KAT5: variants seen among roughly 807,000 people sequenced by gnomAD.
KAT5 encodes the protein histone acetyltransferase KAT5.
In KAT5, 31 loss-of-function variants were observed where a neutral mutation model predicts 68.1. The ratio of observed to expected loss-of-function variants is 0.46; its 90% CI spans 0.34 to 0.61. KAT5 has a LOEUF of 0.61. Among genes scored for constraint, KAT5 ranks in the 20% least tolerant of loss-of-function variants. KAT5 has a pLI of 0.01. For missense variants in KAT5, 451 were observed against 725.5 expected (o/e 0.62, Z 4.35); for synonymous variants, 365 against 292.6 (o/e 1.25, Z -2.52).
In KAT5 at chr11:65,714,746, A is replaced by G; in HGVS notation, c.939+3A>G. The G allele has an allele frequency of 6.2e-7, 1 of 1,614,124 alleles. No individual in the cohort carries two copies. Among genetic ancestry groups the G allele is most frequent in the Non-Finnish European group, 8.5e-7 (1 of 1,180,020 alleles). Reference sequence around the variant, plus strand: ...TCAAGTGTCTTCAGCGTCATTTGGTATGAGGGGTCCAGGGAGGCTGCCTTC... The same window carrying G: ...TCAAGTGTCTTCAGCGTCATTTGGTGTGAGGGGTCCAGGGAGGCTGCCTTC... On this transcript the variant is annotated splice_donor_region_variant and intron_variant, in intron 7 of 12. Coordinates refer to ENST00000341318, the MANE Select transcript of KAT5 (RefSeq NM_182710.3).
intron 6 of KAT5, 37 bp from the exon 7 acceptor site, chr11:65,714,458 C>A: frequency 6.2e-7 from 1 of 1,604,436 alleles, no homozygotes; most frequent in South Asian, 1.1e-5. Flanking sequence ...GCTGAGCTGT[C>A]TCTTACAACC....
intron 8 of KAT5, chr11:65,716,455 T>C (rs1857198916): frequency 6.9e-6 from 4 of 582,120 alleles, no homozygotes; most frequent in Admixed American, 3.0e-5. Flanking sequence ...TCAGACACCA[T>C]CACACATCTG....
At chr11:65,718,978 A>C in intron 12 of KAT5, 24 bp downstream of exon 12, 4 of 1,614,096 alleles carry the variant, frequency 2.5e-6, no homozygotes, top group Non-Finnish European at 3.4e-6. Flanking sequence ...CAGGGGAGAC[A>C]GGTGTGTGGG....
At chr11:65,716,845 G>A (rs1239594550) in intron 9 of KAT5, 38 bp downstream of exon 9, 9 of 1,613,860 alleles carry the variant, frequency 5.6e-6, no homozygotes, top group Non-Finnish European at 7.6e-6. Flanking sequence ...GCCCTGTCCT[G>A]AGCCAGATCC....
chr11:65,712,080 G>T, upstream of KAT5: 5 of 508,284 alleles, frequency 9.8e-6, no homozygotes, highest in Non-Finnish European at 1.7e-5. Flanking sequence ...CCTAGGGCTC[G>T]GCCTGAGGCT....
Position 65,712,979 on chromosome 11 carries a change from A to C in KAT5, c.305A>C (p.Gln102Pro). ...GAGCGGCTGGACCTAAAGAAGATCC[A>C]GTTCCCCAAGAAAGAGGCCAAGACC... ...THERLDLKKI[Q>P]FPKKEAKTPT... The change falls in exon 3 of 13, where the codon CAG becomes CCG. Residue 102 changes from glutamine (Q) to proline (P), a missense_variant. Around this residue, in one of 4 missense-constraint regions of KAT5, gnomAD observed 135 missense variants for 173.4 expected, o/e 0.78. Coordinates refer to ENST00000341318, the MANE Select transcript of KAT5 (RefSeq NM_182710.3). 6.2e-7 allele frequency: 1 copy of C among 1,614,138 alleles called. No individual in the cohort carries two copies. Among genetic ancestry groups the C allele is most frequent in the Non-Finnish European group, 8.5e-7 (1 of 1,180,022 alleles).
At position 65,718,879 on chromosome 11, in the gene KAT5, T is replaced by C. The variant is rs1202867113; in HGVS notation, c.1431T>C (p.Ile477=). 6.2e-7 allele frequency: 1 copy of C among 1,614,130 alleles called. No homozygotes were observed. Among genetic ancestry groups the C allele is most frequent in the South Asian group, 1.1e-5 (1 of 91,086 alleles). The change falls in exon 12 of 13, where the codon ATT becomes ATC. Residue 477 remains isoleucine (I), a synonymous_variant. Transcript: ENST00000341318. ...GERPQITINE[I]SEITSIKKED... is the part of the protein sequence containing the mutation. ...GACCTGTGCTCTCCCACAGTGAGAT[T>C]AGTGAAATCACCAGCATCAAGAAGG... is the stretch of plus-strand genomic sequence containing the variant.
upstream of KAT5, chr11:65,712,100 C>G (rs1399500204): frequency 8.4e-6 from 5 of 594,708 alleles, no homozygotes; most frequent in East Asian, 1.7e-4. Context: ...TTGTAACACT[C>G]CGTTTTCCCC....
rs1857273648 is a variant in KAT5, at chr11:65,718,285, C to G, written c.1265-305C>G. 3 of 286,884 alleles carry G rather than the reference C, an allele frequency of 1.0e-5. No individual in the cohort carries two copies. In the South Asian group the frequency reaches 2.2e-4, roughly 21 times the overall value. The allele number at this position is 286,884 out of a possible 1,614,324, so 17.8% of individuals were successfully genotyped here. On this transcript the variant is annotated intron_variant, in intron 10 of 12. Coordinates refer to ENST00000341318, the MANE Select transcript of KAT5 (RefSeq NM_182710.3). ...AAAGGAAAATTGGAGGCCCCTTCTT[C>G]CCATGAGCCATTTTCTCTGCATCCC... is the stretch of plus-strand genomic sequence containing the variant.
intron 8 of KAT5, among the ~76,000 whole-genome samples, chr11:65,715,500 C>T (rs1489817926): frequency 7.2e-5 from 11 of 152,142 alleles, no homozygotes; most frequent in Non-Finnish European, 1.3e-4. Context: ...GTGGCTCACA[C>T]CTGTAATCCC....
chr11:65,718,874 G>A lies in KAT5; in HGVS notation c.1426G>A (p.Glu476Lys). The change falls in exon 12 of 13, where the codon GAG becomes AAG. Residue 476 changes from glutamate to lysine, a missense_variant and splice_region_variant. Physicochemically the swap from Glu to Lys is moderately conservative, Grantham distance 56. Around this residue, in one of 4 missense-constraint regions of KAT5, gnomAD observed 210 missense variants for 423.7 expected, o/e 0.50. Transcript: ENST00000341318. ...AACCTGACCTGTGCTCTCCCACAGT[G>A]AGATTAGTGAAATCACCAGCATCAA... ...SGERPQITIN[E>K]ISEITSIKKE... The A allele has an allele frequency of 6.2e-7, 1 of 1,614,150 alleles. No homozygotes were observed. Among genetic ancestry groups the A allele is most frequent in the Non-Finnish European group, 8.5e-7 (1 of 1,180,028 alleles).
At position 65,719,244 on chromosome 11, in the gene KAT5, C is replaced by T; in HGVS notation, c.*63C>T. On this transcript the variant is annotated 3_prime_UTR_variant, in exon 13 of 13. Transcript: ENST00000341318. Reference sequence around the variant, plus strand: ...GACTGGGGCTGATAGCCCACCCCGCCCCCACTGCAGCTCCCACAAAGCACT... The same window carrying T: ...GACTGGGGCTGATAGCCCACCCCGCTCCCACTGCAGCTCCCACAAAGCACT... 2 of 1,572,514 alleles carry T rather than the reference C, an allele frequency of 1.3e-6. No homozygotes were observed. The highest frequency in any genetic ancestry group is 1.7e-6 in the Non-Finnish European group (2 of 1,155,368).
At chr11:65,713,546 C>T in intron 4 of KAT5, 43 bp downstream of exon 4, 2 of 1,614,098 alleles carry the variant, frequency 1.2e-6, no homozygotes, top group Non-Finnish European at 1.7e-6. Flanking sequence ...TTCTCAGGTC[C>T]CACCTTCTCT....
rs754073163 is a variant in KAT5 at position 65,712,591 on chromosome 11, C to T, written c.178+146C>T. 9.1e-6 allele frequency: 11 copies of T among 1,213,912 alleles called. No individual in the cohort carries two copies. In the Admixed American group the frequency reaches 1.2e-4, roughly 13 times the overall value. 75.2% of individuals were successfully genotyped at this position (1,213,912 alleles called of 1,614,324 possible). On this transcript the variant is annotated intron_variant, in intron 1 of 12. Coordinates refer to ENST00000341318, the MANE Select transcript of KAT5 (RefSeq NM_182710.3). ...TGAAGGGGCGTGGCTCTTAGCTGCT[C>T]CGAGAGGTACAGGGCGGGGCCTGGA... is the stretch of plus-strand genomic sequence containing the variant.
At chr11:65,717,076 G>A (rs1857221742) in intron 10 of KAT5, 94 bp downstream of exon 10, 2 of 1,005,100 alleles carry the variant, frequency 2.0e-6, no homozygotes, top group Non-Finnish European at 3.1e-6. Flanking sequence ...AACCCTGGCT[G>A]TGCAGCCCAG....
intron 8 of KAT5, 108 bp downstream of exon 8, chr11:65,715,018 T>C: frequency 6.4e-6 from 6 of 935,040 alleles, no homozygotes; most frequent in Non-Finnish European, 1.0e-5. Context: ...AGCCCATTTT[T>C]ATTGAGTTCC....
In KAT5 at chr11:65,719,120, G is replaced by A. The variant is rs766235454; in HGVS notation, c.1580G>A (p.Arg527Gln). Reference protein sequence around the residue: ...HERAMLKRLLRIDSKCLHFTP... With the variant: ...HERAMLKRLLQIDSKCLHFTP... ...CGGGCCATGCTCAAGCGGCTCCTGC[G>A]GATCGACTCCAAGTGTCTGCACTTC... The change falls in exon 13 of 13, where the codon CGG (arginine) becomes CAG (glutamine). Residue 527 changes from arginine to glutamine, a missense_variant. Transcript: ENST00000341318. The A allele has an allele frequency of 2.5e-6, 4 of 1,614,178 alleles. No homozygotes were observed. The highest frequency in any genetic ancestry group is 1.1e-5 in the South Asian group (1 of 91,088).
At chr11:65,718,395 G>A in intron 10 of KAT5, 195 bp from the exon 11 acceptor site, 1 of 613,004 alleles carries the variant, frequency 1.6e-6, no homozygotes, top group East Asian at 2.7e-5. Context: ...CCTCCACTGT[G>A]CTCAGCGCAC....
At chr11:65,712,899 C>G (rs1048576083) in intron 2 of KAT5, 23 bp from the exon 3 acceptor site, 1 of 1,614,026 alleles carries the variant, frequency 6.2e-7, no homozygotes, top group African/African-American at 1.3e-5. Flanking sequence ...GCATTCTGTC[C>G]TGAGCCATCC....
Sources: allele counts gnomAD v4.1 joint callset (sites outside exome capture counted in the v4.1 genomes callset), GRCh38; gene constraint gnomAD v4.1.1; regional missense constraint gnomAD v4.1.1; transcripts MANE v1.5; gene names NCBI Gene and HGNC (gene_info 2026-07-23, HGNC 2026-07-21).